Variants in LAMA1 observed in about 807,000 individuals in gnomAD.
LAMA1 encodes the protein laminin subunit alpha-1.
A neutral mutation model predicts 348.7 loss-of-function variants in LAMA1; 219 were observed. That is an observed-to-expected ratio of 0.63 (90% CI 0.56 to 0.70). LAMA1 has a LOEUF of 0.70. Ranked by LOEUF, LAMA1 falls within the 30% of genes least tolerant of loss-of-function variation. The probability of loss-of-function intolerance (pLI) is 0.00; values close to 1 mark genes in which losing one functional copy is unlikely to be tolerated. For missense variants in LAMA1, 3,744 were observed against 3,888.0 expected (o/e 0.96, Z 0.99); for synonymous variants, 1,487 against 1,491.0 (o/e 1.00, Z 0.06).
intron 8 of LAMA1, chr18:7,042,880 T>G (rs1172244388): frequency 8.0e-6 from 2 of 251,198 alleles, no homozygotes; most frequent in African/African-American, 4.7e-5. Context: ...AGACTCCGTC[T>G]CAAAAAATAA....
chr18:6,966,590 T>C (rs2144019133), intron 48 of LAMA1, among the ~76,000 whole-genome samples: 1 of 152,324 alleles, frequency 6.6e-6, no homozygotes, highest in East Asian at 1.9e-4. Flanking sequence ...ATCAACTGGA[T>C]TTATTTATTC....
chr18:7,094,360 G>C (rs531971147), intron 1 of LAMA1, among the ~76,000 whole-genome samples: 35 of 149,394 alleles, frequency 2.3e-4, no homozygotes, highest in African/African-American at 8.6e-4. Flanking sequence ...GGAGGCGGAG[G>C]TTGCAGTGAG....
rs762385041 is a variant in LAMA1 at position 6,942,255 on chromosome 18, G to A, written c.9068-16C>T. Reference sequence around the variant, plus strand: ...TTCACACCAGCTGTTCAGGAAAGAAGAGAAGACAAATCTTGCTTAATTTTG... The same window carrying A: ...TTCACACCAGCTGTTCAGGAAAGAAAAGAAGACAAATCTTGCTTAATTTTG... On this transcript the variant is annotated splice_polypyrimidine_tract_variant and intron_variant, in intron 62 of 62. Transcript: ENST00000389658. 4 of 1,613,582 alleles carry A rather than the reference G, an allele frequency of 2.5e-6. No individual in the cohort carries two copies. Among genetic ancestry groups the A allele is most frequent in the East Asian group, 4.5e-5 (2 of 44,888 alleles).
At chr18:6,985,738 GACTC>G (rs34527738) in intron 37 of LAMA1, 95 bp from the exon 38 acceptor site, 55,404 of 774,062 alleles carry the variant, frequency 0.072, 4,650 homozygotes, top group African/African-American at 0.35. Flanking sequence ...TAGTGCATGG[GACTC>G]ACTTTTATTT....
chr18:7,074,708 T>C (rs2058159803), intron 3 of LAMA1, among the ~76,000 whole-genome samples: 1 of 152,134 alleles, frequency 6.6e-6, no homozygotes, highest in Non-Finnish European at 1.5e-5. Flanking sequence ...TCCTATGAAT[T>C]TTTTAAAAGT....
chr18:7,081,265 T>C (rs1343712740), intron 1 of LAMA1, among the ~76,000 whole-genome samples: 1 of 152,166 alleles, frequency 6.6e-6, no homozygotes, highest in African/African-American at 2.4e-5. Context: ...AAACAGGCCT[T>C]AAGGGAAGTT....
intron 1 of LAMA1, among the ~76,000 whole-genome samples, chr18:7,116,231 T>C (rs565948068): frequency 6.6e-6 from 1 of 152,312 alleles, no homozygotes; most frequent in African/African-American, 2.4e-5. Flanking sequence ...TCTAAGACTT[T>C]CAATTTCGGG....
intron 1 of LAMA1, among the ~76,000 whole-genome samples, chr18:7,117,331 C>G (rs1022472088): frequency 4.5e-4 from 69 of 152,022 alleles, no homozygotes; most frequent in African/African-American, 1.6e-3. Context: ...GCGCCCCGCT[C>G]CCGCCACCCC....
At chr18:7,079,912 G>A (rs2058185809) in intron 3 of LAMA1, 63 bp downstream of exon 3, 3 of 1,162,690 alleles carry the variant, frequency 2.6e-6, no homozygotes, top group Non-Finnish European at 1.3e-6. Flanking sequence ...TTTCCCAAAG[G>A]TCATCAGAAG....
chr18:7,098,137 T>G (rs1202316492), intron 1 of LAMA1, among the ~76,000 whole-genome samples: 1 of 151,720 alleles, frequency 6.6e-6, no homozygotes. Flanking sequence ...AGACGGAGTC[T>G]CCTTCACTCA....
intron 1 of LAMA1, among the ~76,000 whole-genome samples, chr18:7,106,400 G>T (rs551153617): frequency 5.8e-4 from 86 of 148,384 alleles, no homozygotes; most frequent in Non-Finnish European, 1.0e-3. Flanking sequence ...TCACTCTGTC[G>T]CCAGGCTGGA....
chr18:7,045,945 T>C (rs533499489), intron 6 of LAMA1, among the ~76,000 whole-genome samples: 1 of 150,668 alleles, frequency 6.6e-6, no homozygotes, highest in East Asian at 1.9e-4. Flanking sequence ...ACATAATTTA[T>C]AATTGCACTT....
chr18:7,057,729 T>C (rs1568049828), intron 3 of LAMA1, among the ~76,000 whole-genome samples: 1 of 151,746 alleles, frequency 6.6e-6, no homozygotes. Flanking sequence ...TCCACCCGCC[T>C]TGGCCTCCCA....
intron 14 of LAMA1, among the ~76,000 whole-genome samples, chr18:7,034,174 A>G (rs556424880): frequency 2.1e-4 from 32 of 152,340 alleles, no homozygotes; most frequent in African/African-American, 7.7e-4. Context: ...GATGGTGAGA[A>G]CCAGGTGCAA....
intron 62 of LAMA1, among the ~76,000 whole-genome samples, chr18:6,942,506 C>T (rs754322864): frequency 6.6e-6 from 1 of 151,996 alleles, no homozygotes; most frequent in Middle Eastern, 3.4e-3. Context: ...CTCTGCCTCC[C>T]GGGTTCAAGT....
chr18:7,099,399 C>G (rs181066242), intron 1 of LAMA1, among the ~76,000 whole-genome samples: 134 of 151,946 alleles, frequency 8.8e-4, no homozygotes, highest in African/African-American at 3.1e-3. Flanking sequence ...TGCTGACCTT[C>G]CCTCCACTAT....
rs765021746 is a variant in LAMA1 at position 7,007,170 on chromosome 18, T to A, written c.4229A>T (p.Asp1410Val). ...CTTCCCGGTGTTGGGGTCACAGGTG[T>A]CACTGTGGTTGTTGCAACTGCAGGG... ...CVPCSCNNHSDTCDPNTGKCL... is the reference protein window; with the variant it reads ...CVPCSCNNHSVTCDPNTGKCL... Residue 1410 changes from aspartate to valine, a missense_variant, in exon 29 of 63, where the codon GAC (aspartate) becomes GTC (valine). Physicochemically the swap from Asp to Val is radical, Grantham distance 152. Around this residue, in one of 3 missense-constraint regions of LAMA1, gnomAD observed 1,983 missense variants for 1,934.3 expected, o/e 1.03. Coordinates refer to ENST00000389658, the MANE Select transcript of LAMA1 (RefSeq NM_005559.4). The A allele has an allele frequency of 1.2e-6, 2 of 1,614,114 alleles. No individual in the cohort carries two copies. The highest frequency in any genetic ancestry group is 1.7e-6 in the Non-Finnish European group (2 of 1,180,030).
chr18:6,948,961 T>C (rs1433929235), intron 59 of LAMA1, 140 bp downstream of exon 59: 3 of 1,094,006 alleles, frequency 2.7e-6, no homozygotes. Context: ...TCTGTGGACA[T>C]GCCTGCAAAG....
At chr18:7,046,813 G>A (rs2058043404) in intron 5 of LAMA1, among the ~76,000 whole-genome samples, 1 of 152,054 alleles carries the variant, frequency 6.6e-6, no homozygotes, top group Non-Finnish European at 1.5e-5. Flanking sequence ...GCACTCACCA[G>A]TTCTCTATGT....
Sources: allele counts gnomAD v4.1 joint callset (sites outside exome capture counted in the v4.1 genomes callset), GRCh38; gene constraint gnomAD v4.1.1; regional missense constraint gnomAD v4.1.1; transcripts MANE v1.5; gene names NCBI Gene and HGNC (gene_info 2026-07-23, HGNC 2026-07-21).